The following CACNA2D1 variants were observed in gnomAD, a reference collection of about 807,000 sequenced individuals.
CACNA2D1 encodes the protein voltage-dependent calcium channel subunit alpha-2/delta-1.
Under a neutral mutation model 171.5 loss-of-function variants are expected in CACNA2D1, and 53 were observed. The observed-to-expected ratio is 0.31, with a 90% confidence interval of 0.25 to 0.39. The LOEUF is 0.39. Among genes scored for constraint, CACNA2D1 ranks in the 10% least tolerant of loss-of-function variants. The probability of loss-of-function intolerance (pLI) is 1.00; values close to 1 mark genes in which losing one functional copy is unlikely to be tolerated. For missense variants in CACNA2D1, 903 were observed against 1,299.8 expected (o/e 0.69, Z 4.69); for synonymous variants, 442 against 443.1 (o/e 1.00, Z 0.03).
chr7:82,159,412 C>T (rs1274969701), intron 4 of CACNA2D1, among the ~76,000 whole-genome samples: 6 of 151,822 alleles, frequency 4.0e-5, no homozygotes, highest in Non-Finnish European at 7.4e-5. Context: ...ACCTCAGCAT[C>T]TTCTCCTTTT....
At chr7:82,246,538 T>A (rs2129305562) in intron 3 of CACNA2D1, among the ~76,000 whole-genome samples, 1 of 152,332 alleles carries the variant, frequency 6.6e-6, no homozygotes, top group East Asian at 1.9e-4. Flanking sequence ...CTTTAAGCCC[T>A]GTCTGATCTG....
At chr7:82,173,539 G>A (rs1554443755) in intron 3 of CACNA2D1, among the ~76,000 whole-genome samples, 1 of 151,840 alleles carries the variant, frequency 6.6e-6, no homozygotes, top group Non-Finnish European at 1.5e-5. Context: ...TCATGACAAA[G>A]CATATAATAC....
At chr7:82,014,240 TTGGTATGTGTTTTCTCTATAAAAACA>T (rs1336052605) in intron 13 of CACNA2D1, among the ~76,000 whole-genome samples, 135 bp downstream of exon 13, 1 of 152,138 alleles carries the variant, frequency 6.6e-6, no homozygotes, top group Non-Finnish European at 1.5e-5. Flanking sequence ...AGTGTCAAAA[TTGGTATGTGTTTTCTCTATAAAAACA>T]TGTTCAGAAT....
chr7:82,221,242 G>T lies in CACNA2D1; in HGVS notation c.295-50633C>A, dbSNP rs376839936. Among the ~76,000 whole-genome samples the T allele has an allele frequency of 3.9e-4, 60 of 152,274 alleles. No individual in the cohort carries two copies. In the South Asian group the frequency reaches 0.012, roughly 30 times the overall value. On this transcript the variant is annotated intron_variant, in intron 3 of 38. Coordinates refer to ENST00000356860, the MANE Select transcript of CACNA2D1 (RefSeq NM_000722.4). ...TGTACTCTGCCGATCCACTGAAAGG[G>T]TTTTGGGTACTCCTCAATGTCCTTG... is the stretch of plus-strand genomic sequence containing the variant.
chr7:82,085,005 T>A, intron 6 of CACNA2D1, 105 bp from the exon 7 acceptor site: 2 of 1,031,892 alleles, frequency 1.9e-6, no homozygotes, highest in Non-Finnish European at 2.9e-6. Flanking sequence ...TTGTTCTACC[T>A]ATAAAATAAC....
intron 6 of CACNA2D1, among the ~76,000 whole-genome samples, chr7:82,109,798 T>A (rs1033086684): frequency 1.6e-4 from 24 of 152,138 alleles, no homozygotes; most frequent in Non-Finnish European, 3.1e-4. Flanking sequence ...TTGCATTACT[T>A]ACTGCATGCA....
chr7:82,414,463 C>T (rs562932066), intron 1 of CACNA2D1, among the ~76,000 whole-genome samples: 9 of 152,232 alleles, frequency 5.9e-5, no homozygotes, highest in Admixed American at 2.6e-4. Context: ...ATGAAACAAA[C>T]GTGGCGAAAG....
intron 19 of CACNA2D1, among the ~76,000 whole-genome samples, chr7:81,996,826 T>G (rs896059574): frequency 1.1e-4 from 16 of 151,922 alleles, no homozygotes; most frequent in Non-Finnish European, 1.5e-4. Flanking sequence ...GTTTGGGTGG[T>G]TGGATTCCTT....
intron 6 of CACNA2D1, among the ~76,000 whole-genome samples, chr7:82,097,452 A>G (rs982810757): frequency 2.0e-5 from 3 of 152,126 alleles, no homozygotes; most frequent in Non-Finnish European, 4.4e-5. Context: ...GTGGAAAGAG[A>G]TTAAAAAGAT....
intron 3 of CACNA2D1, among the ~76,000 whole-genome samples, chr7:82,329,079 C>A (rs1347505539): frequency 1.3e-5 from 2 of 151,832 alleles, no homozygotes; most frequent in East Asian, 3.9e-4. Context: ...ATGTTACTGG[C>A]ACTGCTGACA....
chr7:82,384,887 CA>C (rs1277148395), intron 1 of CACNA2D1, among the ~76,000 whole-genome samples: 1 of 152,074 alleles, frequency 6.6e-6, no homozygotes, highest in Admixed American at 6.6e-5. Context: ...ATGCAAGACA[CA>C]AGAGAAAACT....
intron 4 of CACNA2D1, among the ~76,000 whole-genome samples, chr7:82,161,696 AG>A (rs1278558664): frequency 6.6e-6 from 1 of 152,066 alleles, no homozygotes; most frequent in African/African-American, 2.4e-5. Context: ...TAGAAATAAT[AG>A]TTCACTTGCG....
intron 10 of CACNA2D1, 53 bp downstream of exon 10, chr7:82,060,357 AAGTACCTAAAGTCAGGAG>A: frequency 2.0e-6 from 2 of 985,106 alleles, no homozygotes; most frequent in East Asian, 4.9e-5. Flanking sequence ...TAAAAGTATA[AAGTACCTAAAGTCAGGAG>A]AAGATAGAAA....
chr7:82,433,037 A>G (rs1194756628), intron 1 of CACNA2D1, among the ~76,000 whole-genome samples: 1 of 152,024 alleles, frequency 6.6e-6, no homozygotes, highest in Non-Finnish European at 1.5e-5. Context: ...TATACAAAAA[A>G]GTTAGCCGGG....
At chr7:82,003,863 A>C (rs1299823404) in intron 18 of CACNA2D1, among the ~76,000 whole-genome samples, 1 of 151,000 alleles carries the variant, frequency 6.6e-6, no homozygotes, top group African/African-American at 2.4e-5. Context: ...TCCCTGACTC[A>C]GCCTCCCAAA....
At chr7:82,363,340 C>T (rs946423617) in intron 1 of CACNA2D1, among the ~76,000 whole-genome samples, 3 of 133,316 alleles carry the variant, frequency 2.3e-5, no homozygotes, top group African/African-American at 8.4e-5. Context: ...TCTCTGCTCA[C>T]TGCAAGCTCC....
intron 3 of CACNA2D1, among the ~76,000 whole-genome samples, chr7:82,232,599 C>T (rs995106863): frequency 6.6e-5 from 10 of 151,980 alleles, no homozygotes; most frequent in African/African-American, 2.4e-4. Context: ...GGTGCAGTGG[C>T]TCACGCCTGT....
intron 6 of CACNA2D1, among the ~76,000 whole-genome samples, chr7:82,085,288 G>T (rs550567820): frequency 1.3e-5 from 2 of 152,158 alleles, no homozygotes; most frequent in East Asian, 3.9e-4. Context: ...CCCCCAAGTT[G>T]TGACATGCGA....
At chr7:82,390,477 G>C (rs943616527) in intron 1 of CACNA2D1, among the ~76,000 whole-genome samples, 4 of 152,138 alleles carry the variant, frequency 2.6e-5, no homozygotes, top group Non-Finnish European at 5.9e-5. Flanking sequence ...GTTGAAGCTT[G>C]AGAAGCTCTT....
Sources: gnomAD v4.1 joint callset for allele counts (sites outside exome capture counted in the v4.1 genomes callset) on GRCh38, gnomAD v4.1.1 for gene constraint, MANE v1.5 for transcripts, NCBI Gene and HGNC (gene_info 2026-07-23, HGNC 2026-07-21) for gene names.